The following RABGAP1 variants were observed in gnomAD, a reference collection of about 807,000 sequenced individuals.
The protein encoded by RABGAP1 is rab GTPase-activating protein 1.
A neutral mutation model predicts 137.6 loss-of-function variants in RABGAP1; 23 were observed. The observed-to-expected ratio is 0.17, with a 90% CI of 0.12 to 0.24. RABGAP1 has a LOEUF of 0.24. Among genes scored for constraint, RABGAP1 ranks in the 10% least tolerant of loss-of-function variants. The probability of loss-of-function intolerance (pLI) is 1.00; values close to 1 mark genes in which losing one functional copy is unlikely to be tolerated. For synonymous variants in RABGAP1, 451 were observed against 450.7 expected (o/e 1.00, Z -0.01); for missense variants, 906 against 1,275.8 (o/e 0.71, Z 4.42).
At chr9:123,048,087 G>A (rs1047221791) in intron 13 of RABGAP1, among the ~76,000 whole-genome samples, 2 of 151,790 alleles carry the variant, frequency 1.3e-5, no homozygotes, top group East Asian at 1.9e-4. Flanking sequence ...TTACAGGTGT[G>A]CATCACCACG....
intron 2 of RABGAP1, among the ~76,000 whole-genome samples, chr9:122,977,212 A>G (rs1835807481): frequency 1.3e-5 from 2 of 152,232 alleles, no homozygotes; most frequent in Admixed American, 6.5e-5. Context: ...AAGGCAGGCA[A>G]ACTACTAACT....
At chr9:123,032,859 G>A (rs2032378493) in intron 13 of RABGAP1, among the ~76,000 whole-genome samples, 1 of 152,178 alleles carries the variant, frequency 6.6e-6, no homozygotes, top group Non-Finnish European at 1.5e-5. Flanking sequence ...TATATTCTAA[G>A]ATACAAAGGC....
At chr9:123,027,150 C>T (rs2032024303) in intron 13 of RABGAP1, among the ~76,000 whole-genome samples, 1 of 141,210 alleles carries the variant, frequency 7.1e-6, no homozygotes, top group South Asian at 2.2e-4. Flanking sequence ...CGCTCTCTCG[C>T]TCTGTTGCCA....
intron 13 of RABGAP1, chr9:123,035,758 A>C: frequency 1.7e-6 from 1 of 574,872 alleles, no homozygotes; most frequent in East Asian, 2.9e-5. Context: ...ATAGCATACA[A>C]ATTATTCGTA....
intron 3 of RABGAP1, among the ~76,000 whole-genome samples, chr9:122,985,096 A>G (rs1020181621): frequency 1.3e-5 from 2 of 152,130 alleles, no homozygotes; most frequent in Non-Finnish European, 2.9e-5. Flanking sequence ...CTCCAGACCT[A>G]TATAGCTCTA....
In RABGAP1 at chr9:123,090,329, G is replaced by T; in HGVS notation, c.2572G>T (p.Asp858Tyr). The change falls in exon 21 of 26, where the codon GAC becomes TAC. Residue 858 changes from aspartate to tyrosine, a missense_variant. This residue lies in a region of RABGAP1 where 2 missense variants were observed against 16.6 expected (regional missense o/e 0.12). Coordinates refer to ENST00000373647, the MANE Select transcript of RABGAP1 (RefSeq NM_012197.4). ...CATGAGGTTGGAACAGGAAAACGAT[G>T]ACTTAGCCCATGAGCTGGTGACCAG... is the stretch of plus-strand genomic sequence containing the variant. ...ANMRLEQEND[D>Y]LAHELVTSKI... The T allele has an allele frequency of 6.2e-7, 1 of 1,613,608 alleles. No homozygotes were observed. Among genetic ancestry groups the T allele is most frequent in the South Asian group, 1.1e-5 (1 of 90,788 alleles).
chr9:123,095,226 CAAAA>C (rs55675466), intron 21 of RABGAP1, among the ~76,000 whole-genome samples: 32 of 61,248 alleles, frequency 5.2e-4, no homozygotes, highest in African/African-American at 1.3e-3. Context: ...AACCTTGTCC[CAAAA>C]AAAAAAAAAA....
At chr9:123,090,419 C>A in intron 21 of RABGAP1, 34 bp downstream of exon 21, 1 of 1,496,512 alleles carries the variant, frequency 6.7e-7, no homozygotes, top group Non-Finnish European at 9.2e-7. Flanking sequence ...AAAGATCTCA[C>A]TGAGACACTT....
At chr9:123,056,725 A>T (rs1390571612) in intron 13 of RABGAP1, among the ~76,000 whole-genome samples, 2 of 151,832 alleles carry the variant, frequency 1.3e-5, no homozygotes, top group African/African-American at 4.8e-5. Flanking sequence ...AACAAAGCAC[A>T]TCTTGCACCG....
intron 19 of RABGAP1, among the ~76,000 whole-genome samples, chr9:123,082,287 C>G (rs1472105058): frequency 6.6e-6 from 1 of 152,094 alleles, no homozygotes; most frequent in Non-Finnish European, 1.5e-5. Flanking sequence ...ATTTAGCTAT[C>G]CATTGAACTT....
At chr9:123,064,872 C>A (rs1206019397) in intron 13 of RABGAP1, among the ~76,000 whole-genome samples, 3 of 152,172 alleles carry the variant, frequency 2.0e-5, no homozygotes, top group African/African-American at 7.2e-5. Context: ...CATTCTTATG[C>A]CATTTGCCTC....
intron 13 of RABGAP1, among the ~76,000 whole-genome samples, chr9:123,057,972 A>G (rs932213171): frequency 1.8e-4 from 26 of 147,752 alleles, no homozygotes; most frequent in African/African-American, 5.2e-4. Flanking sequence ...AGAATCAGGC[A>G]GGGAGGCTGC....
intron 13 of RABGAP1, among the ~76,000 whole-genome samples, chr9:123,026,432 CTTTAA>C (rs1449358937): frequency 6.6e-6 from 1 of 152,058 alleles, no homozygotes; most frequent in Non-Finnish European, 1.5e-5. Context: ...TACTGATTTT[CTTTAA>C]TTTGTTAATG....
intron 6 of RABGAP1, 147 bp from the exon 7 acceptor site, chr9:122,995,894 G>A (rs1836998149): frequency 1.5e-6 from 2 of 1,357,008 alleles, no homozygotes; most frequent in South Asian, 3.3e-5. Flanking sequence ...ACATCAAGAG[G>A]CATAGAATGA....
intron 6 of RABGAP1, among the ~76,000 whole-genome samples, chr9:122,991,556 CATT>C (rs151187107): frequency 0.016 from 2,384 of 151,246 alleles, 35 homozygotes; most frequent in South Asian, 0.066. Context: ...AAGTATGACT[CATT>C]GTGCTCTATG....
rs1015956347 is a variant in RABGAP1 at position 123,085,084 on chromosome 9, A to AT, written c.2425-4670dup. Among the ~76,000 whole-genome samples, 11 of 152,346 alleles carry AT rather than the reference A, an allele frequency of 7.2e-5. No individual in the cohort carries two copies. The East Asian group carries it at 7.7e-4, about 11-fold the overall frequency. Reference sequence around the variant, plus strand: ...AGCTTCCCCAAGGCAAGTGGCATAGATTTTAAGAAAGCACATTATCTAGTT... The same window carrying AT: ...AGCTTCCCCAAGGCAAGTGGCATAGATTTTTAAGAAAGCACATTATCTAGTT... On this transcript the variant is annotated intron_variant, in intron 19 of 25. Transcript: ENST00000373647.
chr9:123,079,862 A>G (rs1488861081), intron 19 of RABGAP1, among the ~76,000 whole-genome samples: 2 of 152,076 alleles, frequency 1.3e-5, no homozygotes, highest in African/African-American at 4.8e-5. Context: ...TCCTTATCCT[A>G]TCTTATTTTT....
chr9:122,992,227 C>G (rs978884191), intron 6 of RABGAP1, among the ~76,000 whole-genome samples: 1 of 152,158 alleles, frequency 6.6e-6, no homozygotes, highest in Admixed American at 6.5e-5. Context: ...TCAGTAGAGA[C>G]AGGGTTTCGC....
intron 10 of RABGAP1, among the ~76,000 whole-genome samples, chr9:123,005,895 A>G (rs2030215178): frequency 6.6e-6 from 1 of 152,236 alleles, no homozygotes; most frequent in Non-Finnish European, 1.5e-5. Context: ...GTTTCTCTGC[A>G]GGGTTGTCGA....
Sources: allele counts gnomAD v4.1 joint callset (sites outside exome capture counted in the v4.1 genomes callset), GRCh38; gene constraint gnomAD v4.1.1; regional missense constraint gnomAD v4.1.1; transcripts MANE v1.5; gene names NCBI Gene and HGNC (gene_info 2026-07-23, HGNC 2026-07-21).